Variants in SDK2 observed in about 807,000 individuals in gnomAD.
SDK2 encodes the protein sidekick cell adhesion molecule 2.
SDK2 carries 105 observed loss-of-function variants against 253.9 expected under a neutral mutation model. The observed-to-expected ratio is 0.41, with a 90% CI of 0.35 to 0.49. The LOEUF (loss-of-function observed/expected upper bound fraction) is 0.49. Ranked by LOEUF, SDK2 falls within the 20% of genes least tolerant of loss-of-function variation. SDK2 has a pLI of 0.06. For missense variants in SDK2, 2,608 were observed against 3,003.0 expected (o/e 0.87, Z 3.07); for synonymous variants, 1,249 against 1,234.9 (o/e 1.01, Z -0.24).
In SDK2 at chr17:73,495,593, C is replaced by T. The variant is rs140969643; in HGVS notation, c.224+11845G>A. Among the ~76,000 whole-genome samples, 14 of 151,828 alleles carry T rather than the reference C, an allele frequency of 9.2e-5. No individual in the cohort carries two copies. In the East Asian group the frequency reaches 1.4e-3, roughly 15 times the overall value. On this transcript the variant is annotated intron_variant, in intron 2 of 44. Transcript: ENST00000392650. ...ATACCCCTTGCCTCGCCCTCTGCCT[C>T]GCTGTTGGATATTGGAGGCCTGCCC...
In SDK2 at chr17:73,465,402, G is replaced by A. The variant is rs1225882239; in HGVS notation, c.331+6710C>T. 6.6e-6 allele frequency among the ~76,000 whole-genome samples: 1 copy of A among 152,134 alleles called. No homozygotes were observed. The highest frequency in any genetic ancestry group is 1.5e-5 in the Non-Finnish European group (1 of 68,022). On this transcript the variant is annotated intron_variant, in intron 3 of 44. Transcript: ENST00000392650. This position sits in a 1 kb window ranked among gnomAD's most constrained non-coding sequence, Gnocchi z 4.2. Reference sequence around the variant, plus strand: ...GGAAGGGGTCAGGAGGTCTCACCCAGGTGAGGAGAACACAGAGGTGCCCTC... The same window carrying A: ...GGAAGGGGTCAGGAGGTCTCACCCAAGTGAGGAGAACACAGAGGTGCCCTC...
In SDK2 at chr17:73,379,598, G is replaced by A. The variant is rs774398614; in HGVS notation, c.4763-49C>T. The A allele has an allele frequency of 8.4e-7, 1 of 1,188,554 alleles. No homozygotes were observed. Among genetic ancestry groups the A allele is most frequent in the South Asian group, 1.4e-5 (1 of 73,938 alleles). The allele number at this position is 1,188,554 out of a possible 1,614,324, so 73.6% of individuals were successfully genotyped here. A position where few individuals can be genotyped will look rare whatever the true frequency, so the allele number is the denominator to read the frequency against. ...GAAGCACACTGAGGTCACCGTCATTGCTGGGAAGGTGTCCCCAGGGAGGGT... is the reference window on the plus strand; with the variant it reads ...GAAGCACACTGAGGTCACCGTCATTACTGGGAAGGTGTCCCCAGGGAGGGT... On this transcript the variant is annotated intron_variant, in intron 34 of 44. Transcript: ENST00000392650. This position sits in a 1 kb window ranked among gnomAD's most constrained non-coding sequence, Gnocchi z 4.5.
chr17:73,483,730 T>A (rs1219350803), intron 2 of SDK2, among the ~76,000 whole-genome samples: 1 of 131,180 alleles, frequency 7.6e-6, no homozygotes, highest in Non-Finnish European at 1.6e-5. Context: ...TTTAGTAGAG[T>A]TGGGGTTTCA....
At chr17:73,610,386 C>A (rs1409019597) in intron 1 of SDK2, among the ~76,000 whole-genome samples, 1 of 152,190 alleles carries the variant, frequency 6.6e-6, no homozygotes, top group African/African-American at 2.4e-5. Flanking sequence ...CCAGACACTG[C>A]AGAAAGGGGG....
At chr17:73,430,074 C>A (rs935697773) in intron 12 of SDK2, among the ~76,000 whole-genome samples, 14 of 152,212 alleles carry the variant, frequency 9.2e-5, no homozygotes, top group Non-Finnish European at 1.3e-4. Context: ...ATCCCATATC[C>A]GCCTGCCCAG....
At chr17:73,601,697 A>G (rs1228722647) in intron 1 of SDK2, among the ~76,000 whole-genome samples, 2 of 151,484 alleles carry the variant, frequency 1.3e-5, no homozygotes, top group African/African-American at 4.8e-5. Context: ...GAAGGAACCA[A>G]CCCTGCCGAC....
intron 18 of SDK2, among the ~76,000 whole-genome samples, chr17:73,406,905 A>C (rs2063083842): frequency 6.6e-6 from 1 of 152,224 alleles, no homozygotes; most frequent in Non-Finnish European, 1.5e-5. Flanking sequence ...AACTACGTTC[A>C]GTAATCATAG....
At chr17:73,346,800 C>G (rs2062488453) in intron 44 of SDK2, among the ~76,000 whole-genome samples, 1 of 152,074 alleles carries the variant, frequency 6.6e-6, no homozygotes, top group South Asian at 2.1e-4. Flanking sequence ...TCTCCAAAGA[C>G]CTGGGGGAAG....
chr17:73,408,856 C>T (rs373739044), intron 18 of SDK2, among the ~76,000 whole-genome samples: 115 of 152,258 alleles, frequency 7.6e-4, no homozygotes, highest in Middle Eastern at 3.4e-3. Context: ...ACAGATTATG[C>T]GGCAATCAAG....
intron 1 of SDK2, among the ~76,000 whole-genome samples, chr17:73,598,182 T>C (rs1448922408): frequency 6.6e-6 from 1 of 152,104 alleles, no homozygotes; most frequent in Non-Finnish European, 1.5e-5. Context: ...CATTCACCAC[T>C]GCCATGACTT....
At chr17:73,476,334 G>C (rs961631485) in intron 2 of SDK2, among the ~76,000 whole-genome samples, 1 of 152,148 alleles carries the variant, frequency 6.6e-6, no homozygotes, top group Non-Finnish European at 1.5e-5. Context: ...TTTCAAGACG[G>C]ATACTCCAGA....
At chr17:73,348,236 A>C (rs1337915284) in intron 44 of SDK2, among the ~76,000 whole-genome samples, 2 of 152,238 alleles carry the variant, frequency 1.3e-5, no homozygotes, top group East Asian at 3.8e-4. Flanking sequence ...CCTGGAATGC[A>C]GGGCTGTGTG....
At chr17:73,596,016 C>A (rs2045753183) in intron 1 of SDK2, among the ~76,000 whole-genome samples, 1 of 151,588 alleles carries the variant, frequency 6.6e-6, no homozygotes, top group Non-Finnish European at 1.5e-5. Context: ...ACAGTGAGGC[C>A]TCGGCACTCC....
intron 1 of SDK2, among the ~76,000 whole-genome samples, chr17:73,515,581 G>T (rs2064019396): frequency 6.6e-6 from 1 of 152,210 alleles, no homozygotes; most frequent in South Asian, 2.1e-4. Context: ...AGAGAAGCCT[G>T]GAAATGGAGG....
At chr17:73,410,389 C>T (rs1236472705) in intron 18 of SDK2, among the ~76,000 whole-genome samples, 1 of 152,222 alleles carries the variant, frequency 6.6e-6, no homozygotes, top group Non-Finnish European at 1.5e-5. Flanking sequence ...TCTCAGCTCA[C>T]TGCAATGTCC....
At position 73,383,789 on chromosome 17, in the gene SDK2, T is replaced by C; in HGVS notation, c.4705+87A>G. 1 of 1,552,714 alleles carries C rather than the reference T, an allele frequency of 6.4e-7. No individual in the cohort carries two copies. Among genetic ancestry groups the C allele is most frequent in the South Asian group, 1.2e-5 (1 of 85,976 alleles). On this transcript the variant is annotated intron_variant, in intron 33 of 44. Transcript: ENST00000392650. The surrounding 1 kb of genome is among the most constrained non-coding windows in gnomAD (Gnocchi z 4.3). ...GAGGCAAGGTTTCAGGTTAGAGTGG[T>C]TCCAGGAAGCTGAGAGCTCCAGAGC...
At chr17:73,636,454 G>A (rs9893537) in intron 1 of SDK2, among the ~76,000 whole-genome samples, 58,997 of 151,830 alleles carry the variant, frequency 0.39, 12,180 homozygotes, top group African/African-American at 0.54. Flanking sequence ...TTGGGAGACC[G>A]AGGTGGGCGA....
chr17:73,495,215 A>C (rs2063833787), intron 2 of SDK2, among the ~76,000 whole-genome samples: 1 of 152,154 alleles, frequency 6.6e-6, no homozygotes, highest in Non-Finnish European at 1.5e-5. Context: ...CAGGGCACCT[A>C]TGCACAGAAG....
rs574041637 is a variant in SDK2 at position 73,616,359 on chromosome 17, A to C, written c.64+27666T>G. 6.6e-6 allele frequency among the ~76,000 whole-genome samples: 1 copy of C among 151,646 alleles called. No homozygotes were observed. Among genetic ancestry groups the C allele is most frequent in the Admixed American group, 6.6e-5 (1 of 15,228 alleles). On this transcript the variant is annotated intron_variant, in intron 1 of 44. Transcript: ENST00000392650. The surrounding 1 kb of genome is among the most constrained non-coding windows in gnomAD (Gnocchi z 5.2). ...CTCCCCAGCCCCAGCTCAGCATCCC[A>C]CACACACATGCAGGCTCAGGAAGGA...
Sources: allele counts gnomAD v4.1 joint callset (sites outside exome capture counted in the v4.1 genomes callset), GRCh38; gene constraint gnomAD v4.1.1; non-coding constraint Gnocchi (gnomAD v3.1); transcripts MANE v1.5; gene names NCBI Gene and HGNC (gene_info 2026-07-23, HGNC 2026-07-21).